AGBL1: variants seen among roughly 807,000 people sequenced by gnomAD.
AGBL1 encodes the protein cytosolic carboxypeptidase 4.
Under a neutral mutation model 118.9 loss-of-function variants are expected in AGBL1, and 130 were observed. The observed-to-expected ratio is 1.09, with a 90% CI of 0.95 to 1.26. The LOEUF is 1.26. AGBL1 is among the 50% of genes most tolerant of loss of function. The pLI is 0.00. For synonymous variants in AGBL1, 555 were observed against 478.9 expected (o/e 1.16, Z -2.08); for missense variants, 1,584 against 1,298.1 (o/e 1.22, Z -3.38).
chr15:86,917,173 G>C (rs1461913729), downstream of AGBL1, among the ~76,000 whole-genome samples: 1 of 152,078 alleles, frequency 6.6e-6, no homozygotes, highest in African/African-American at 2.4e-5. The surrounding 1 kb of genome is among the most constrained non-coding windows in gnomAD (Gnocchi z 4.8). Context: ...GAGAAGATGG[G>C]GGAGAGGCGT....
chr15:86,882,397 C>T (rs1034087890), intron 22 of AGBL1, among the ~76,000 whole-genome samples: 27 of 152,242 alleles, frequency 1.8e-4, no homozygotes, highest in Non-Finnish European at 2.6e-4. Flanking sequence ...TTTGTAATAT[C>T]AATTGAATTC....
At chr15:86,725,656 T>C (rs138415137) in intron 22 of AGBL1, among the ~76,000 whole-genome samples, 400 of 152,300 alleles carry the variant, frequency 2.6e-3, no homozygotes, top group African/African-American at 9.3e-3. Context: ...CTTTGTAAAG[T>C]AGGGTTTCTT....
At chr15:86,858,349 C>A (rs1457471751) in intron 22 of AGBL1, among the ~76,000 whole-genome samples, 1 of 152,112 alleles carries the variant, frequency 6.6e-6, no homozygotes. Context: ...AGTTTACCAG[C>A]CCAAAGCGTT....
At chr15:86,519,116 G>T (rs1463629416) in intron 18 of AGBL1, among the ~76,000 whole-genome samples, 3 of 151,948 alleles carry the variant, frequency 2.0e-5, no homozygotes, top group African/African-American at 7.3e-5. Flanking sequence ...GCAGATTATT[G>T]GTTCCAGGAC....
At chr15:86,688,282 G>A (rs1013753987) in intron 22 of AGBL1, among the ~76,000 whole-genome samples, 1 of 151,904 alleles carries the variant, frequency 6.6e-6, no homozygotes, top group African/African-American at 2.4e-5. Context: ...GAAGGGTGGG[G>A]AGGACAAGGG....
intron 21 of AGBL1, among the ~76,000 whole-genome samples, chr15:86,585,086 A>C (rs1383363777): frequency 6.6e-6 from 1 of 152,098 alleles, no homozygotes; most frequent in East Asian, 1.9e-4. Flanking sequence ...GTTTTGGTGG[A>C]GTATTTAGGG....
chr15:87,012,192 T>TACACACACACACACACACACACAC (rs57985975), intron 24 of AGBL1, among the ~76,000 whole-genome samples: 6 of 142,680 alleles, frequency 4.2e-5, no homozygotes, highest in African/African-American at 1.5e-4. Context: ...TACAAATTTA[T>TACACACACACACACACACACACAC]ACACACACAC....
At chr15:86,970,712 T>A (rs1009106912) in intron 23 of AGBL1, among the ~76,000 whole-genome samples, 2 of 151,994 alleles carry the variant, frequency 1.3e-5, no homozygotes, top group Non-Finnish European at 1.5e-5. Flanking sequence ...CAAAATTCAG[T>A]ATGTTCCTAC....
At chr15:86,739,040 G>T (rs1280173762) in intron 22 of AGBL1, among the ~76,000 whole-genome samples, 1 of 152,116 alleles carries the variant, frequency 6.6e-6, no homozygotes, top group Non-Finnish European at 1.5e-5. Flanking sequence ...CAGCTACTCA[G>T]GAGGCTAAGG....
intron 22 of AGBL1, among the ~76,000 whole-genome samples, chr15:86,759,174 A>T (rs1265841032): frequency 6.6e-6 from 1 of 152,034 alleles, no homozygotes; most frequent in African/African-American, 2.4e-5. Flanking sequence ...TAGTTCAGAG[A>T]TCCAAAATAA....
Position 86,316,027 on chromosome 15 carries a change from T to A in AGBL1, c.2374+20619T>A, listed in dbSNP as rs117926124. ...GCTTTCAGCAAAGACTAAAGCACTA[T>A]CTCATTCATTTTATTCAAATGAATC... On this transcript the variant is annotated intron_variant, in intron 17 of 22. Coordinates refer to ENST00000614907, the MANE Select transcript of AGBL1 (RefSeq NM_001386094.1). Among the ~76,000 whole-genome samples the A allele has an allele frequency of 8.7e-4, 133 of 152,350 alleles. 1 individual carries two copies. Among genetic ancestry groups the A allele is most frequent in the Non-Finnish European group, 1.5e-3 (99 of 68,030 alleles).
intron 22 of AGBL1, among the ~76,000 whole-genome samples, chr15:86,842,572 C>G (rs1440010057): frequency 6.6e-6 from 1 of 152,166 alleles, no homozygotes; most frequent in Non-Finnish European, 1.5e-5. Context: ...AACAGGCAAT[C>G]TAACCATTGA....
chr15:86,574,989 G>T lies in AGBL1; in HGVS notation c.2994+20452G>T, dbSNP rs527727728. 3.3e-5 allele frequency among the ~76,000 whole-genome samples: 5 copies of T among 151,156 alleles called. No individual in the cohort carries two copies. In the South Asian group the frequency reaches 1.1e-3, roughly 32 times the overall value. On this transcript the variant is annotated intron_variant, in intron 21 of 22. Coordinates refer to ENST00000614907, the MANE Select transcript of AGBL1 (RefSeq NM_001386094.1). ...GTGAATCAGAGGGTCAGGAGTTTGA[G>T]ACCAGCCTAACCAATATGGTGAAAC...
intron 22 of AGBL1, among the ~76,000 whole-genome samples, chr15:86,862,372 A>T (rs2079570752): frequency 6.6e-6 from 1 of 152,220 alleles, no homozygotes; most frequent in Non-Finnish European, 1.5e-5. Flanking sequence ...CCAAGGGTGC[A>T]CACCTATAAG....
At chr15:86,256,716 C>T in intron 7 of AGBL1, 137 bp from the exon 8 acceptor site, 1 of 800,320 alleles carries the variant, frequency 1.2e-6, no homozygotes, top group South Asian at 1.8e-5. Flanking sequence ...TACGGTCTGT[C>T]CATGCGTATA....
intron 24 of AGBL1, among the ~76,000 whole-genome samples, chr15:87,020,286 C>T: frequency 6.6e-6 from 1 of 151,966 alleles, no homozygotes; most frequent in Non-Finnish European, 1.5e-5. Context: ...ACAAGGCCTT[C>T]AATAAAATTC....
At chr15:86,895,815 T>C (rs571666232) in intron 22 of AGBL1, among the ~76,000 whole-genome samples, 9 of 152,214 alleles carry the variant, frequency 5.9e-5, no homozygotes, top group African/African-American at 2.2e-4. Flanking sequence ...AGATAATCTG[T>C]CTTTATTTCT....
intron 17 of AGBL1, among the ~76,000 whole-genome samples, chr15:86,327,726 A>G (rs1024774585): frequency 2.0e-5 from 3 of 152,262 alleles, no homozygotes; most frequent in African/African-American, 7.2e-5. Flanking sequence ...AGAGACAGGT[A>G]TAAAACTCAG....
At chr15:86,447,717 T>A (rs765034423) in intron 18 of AGBL1, among the ~76,000 whole-genome samples, 4 of 152,158 alleles carry the variant, frequency 2.6e-5, no homozygotes, top group African/African-American at 4.8e-5. Context: ...ACTGAGTATC[T>A]GGTAGGGCCA....
Sources: gnomAD v4.1 joint callset for allele counts (sites outside exome capture counted in the v4.1 genomes callset) on GRCh38, gnomAD v4.1.1 for gene constraint, Gnocchi (gnomAD v3.1) non-coding constraint, MANE v1.5 for transcripts, NCBI Gene and HGNC (gene_info 2026-07-23, HGNC 2026-07-21) for gene names.